The following MXD4 variants were observed in gnomAD, a reference collection of about 807,000 sequenced individuals.
MXD4 encodes the protein Mad4 homolog.
MXD4 carries 16 observed loss-of-function variants against 24.5 expected under a neutral mutation model. The ratio of observed to expected loss-of-function variants is 0.65; its 90% confidence interval spans 0.44 to 0.99. The LOEUF (loss-of-function observed/expected upper bound fraction) is 0.99. Ranked by LOEUF, MXD4 falls within the 50% of genes least tolerant of loss-of-function variation. The pLI, the probability that MXD4 is intolerant of heterozygous loss-of-function variation, is 0.00. For synonymous variants in MXD4, 164 were observed against 134.2 expected (o/e 1.22, Z -1.54); for missense variants, 301 against 301.5 (o/e 1.00, Z 0.01).
At chr4:2,256,766 T>G (rs1273246260) in intron 3 of MXD4, among the ~76,000 whole-genome samples, 1 of 152,094 alleles carries the variant, frequency 6.6e-6, no homozygotes, top group African/African-American at 2.4e-5. Context: ...AGGGGTCCCC[T>G]GTCCTCCCCA....
intron 3 of MXD4, chr4:2,255,199 A>G: frequency 2.5e-6 from 1 of 400,830 alleles, no homozygotes; most frequent in Non-Finnish European, 5.0e-6. Flanking sequence ...ATGGAGAACA[A>G]GGTCCCCTCC....
At chr4:2,255,286 A>G (rs1203807475) in intron 3 of MXD4, 7 of 455,928 alleles carry the variant, frequency 1.5e-5, no homozygotes, top group Non-Finnish European at 3.1e-5. Flanking sequence ...AGTGCCTGGG[A>G]TGCGGTCTCT....
intron 2 of MXD4, chr4:2,260,459 T>C: frequency 2.3e-6 from 1 of 436,148 alleles, no homozygotes; most frequent in East Asian, 7.1e-5. Context: ...GGTTGTCAGC[T>C]TTGGATTCTC....
intron 3 of MXD4, chr4:2,252,895 G>A (rs1055245959): frequency 7.5e-5 from 17 of 225,292 alleles, no homozygotes; most frequent in Admixed American, 1.5e-4. Context: ...AGGCTGCACC[G>A]AGATCTGGAA....
chr4:2,250,331 T>TCCTTGCAGGGGACTCTGCCC lies in MXD4; in HGVS notation c.*193_*212dup, dbSNP rs1175148503. 4 of 640,716 alleles carry TCCTTGCAGGGGACTCTGCCC rather than the reference T, an allele frequency of 6.2e-6. No individual in the cohort carries two copies. The highest frequency in any genetic ancestry group is 1.8e-5 in the African/African-American group (1 of 54,350). 39.7% of individuals were successfully genotyped at this position (640,716 alleles called of 1,614,324 possible). A position where few individuals can be genotyped will look rare whatever the true frequency, so the allele number is the denominator to read the frequency against. On this transcript the variant is annotated 3_prime_UTR_variant, in exon 6 of 6. Coordinates refer to ENST00000337190, the MANE Select transcript of MXD4 (RefSeq NM_006454.3). Reference sequence around the variant, plus strand: ...CCGGATGTGGAAGCTGGGCCCTGCCTCCTTGCAGGGGACTCTGCCCAGCTG... The same window carrying TCCTTGCAGGGGACTCTGCCC: ...CCGGATGTGGAAGCTGGGCCCTGCCTCCTTGCAGGGGACTCTGCCCCCTTGCAGGGGACTCTGCCCAGCTG...
chr4:2,250,308 G>A lies in MXD4; in HGVS notation c.*236C>T, dbSNP rs548354801. On this transcript the variant is annotated 3_prime_UTR_variant, in exon 6 of 6. Coordinates refer to ENST00000337190, the MANE Select transcript of MXD4 (RefSeq NM_006454.3). The stretch of plus-strand genomic sequence containing the variant: ...GGGCGGCTATGCTGACCAGGGCTCC[G>A]GATGTGGAAGCTGGGCCCTGCCTCC... The A allele has an allele frequency of 1.7e-3, 969 of 586,412 alleles. 12 individuals are homozygous for A. The South Asian group carries it at 0.019, about 11-fold the overall frequency. The allele number at this position is 586,412 out of a possible 1,614,324, so 36.3% of individuals were successfully genotyped here.
At position 2,251,172 on chromosome 4, in the gene MXD4, C is replaced by T; in HGVS notation, c.384G>A (p.Arg128=). ...QLQQEHRFLK[R]RLEQLSVQSV... ...TCTGCACCGACAGCTGCTCCAGGCG[C>T]CGCTTCAGGAAACGATGCTCCTGCT... Residue 128 remains arginine (R), a synonymous_variant, in exon 5 of 6, where the codon CGG becomes CGA. Coordinates refer to ENST00000337190, the MANE Select transcript of MXD4 (RefSeq NM_006454.3). 6.2e-7 allele frequency: 1 copy of T among 1,602,772 alleles called. No homozygotes were observed. The highest frequency in any genetic ancestry group is 8.5e-7 in the Non-Finnish European group (1 of 1,174,570).
chr4:2,250,187 G>T lies in MXD4; in HGVS notation c.*357C>A. On this transcript the variant is annotated 3_prime_UTR_variant, in exon 6 of 6. Transcript: ENST00000337190. ...TCCAGGGTTGGGGTCTGAGCTCCCT[G>T]TGGTGGTCATTAAGCCCCTCACACG... 3.6e-6 allele frequency: 1 copy of T among 275,806 alleles called. No individual in the cohort carries two copies. Among genetic ancestry groups the T allele is most frequent in the Non-Finnish European group, 7.0e-6 (1 of 143,686 alleles). The allele number at this position is 275,806 out of a possible 1,614,324, so 17.1% of individuals were successfully genotyped here. A position where few individuals can be genotyped will look rare whatever the true frequency, so the allele number is the denominator to read the frequency against.
At chr4:2,250,789 G>A (rs912472285) in intron 5 of MXD4, 88 bp from the exon 6 acceptor site, 6 of 1,500,118 alleles carry the variant, frequency 4.0e-6, no homozygotes, top group African/African-American at 2.8e-5. Flanking sequence ...GCTCTAGGCA[G>A]AGGGGCAGAA....
In MXD4 at chr4:2,261,927, G is replaced by A; in HGVS notation, c.54C>T (p.Arg18=). 6.8e-7 allele frequency: 1 copy of A among 1,464,150 alleles called. No individual in the cohort carries two copies. Among genetic ancestry groups the A allele is most frequent in the East Asian group, 3.0e-5 (1 of 33,830 alleles). The allele number at this position is 1,464,150 out of a possible 1,614,324, so 90.7% of individuals were successfully genotyped here. ...GGGTGCGAGCGCTACCTCGATCCCT[G>A]CGCTCCAGGTACTCGGCCGCCTCCA... ...ILLEAAEYLE[R]RDREAEHGYA... Residue 18 remains arginine (R), a synonymous_variant, in exon 1 of 6, where the codon CGC becomes CGT. Transcript: ENST00000337190.
chr4:2,252,751 C>T (rs889065233), intron 3 of MXD4: 8 of 504,186 alleles, frequency 1.6e-5, no homozygotes, highest in African/African-American at 7.9e-5. Context: ...CTCACCATGG[C>T]CTGCAAAGCC....
chr4:2,250,490 G>A lies in MXD4; in HGVS notation c.*54C>T, dbSNP rs1350918710. ...TGGCGTCAACTGAAGGAGAACTGGA[G>A]GGCTGACACGCGTGGCTGGCGGGCA... On this transcript the variant is annotated 3_prime_UTR_variant, in exon 6 of 6. Coordinates refer to ENST00000337190, the MANE Select transcript of MXD4 (RefSeq NM_006454.3). 2 of 1,493,130 alleles carry A rather than the reference G, an allele frequency of 1.3e-6. No individual in the cohort carries two copies. The highest frequency in any genetic ancestry group is 2.6e-5 in the South Asian group (2 of 76,304). 92.5% of individuals were successfully genotyped at this position (1,493,130 alleles called of 1,614,324 possible). A position where few individuals can be genotyped will look rare whatever the true frequency, so the allele number is the denominator to read the frequency against.
intron 3 of MXD4, chr4:2,253,123 T>C (rs1253133087): frequency 1.3e-5 from 2 of 154,156 alleles, no homozygotes; most frequent in Non-Finnish European, 2.9e-5. Context: ...AGCCATGACA[T>C]CCAGTGGTGC....
At chr4:2,255,496 G>A (rs1260384264) in intron 3 of MXD4, 1 of 431,406 alleles carries the variant, frequency 2.3e-6, no homozygotes, top group Non-Finnish European at 4.6e-6. Flanking sequence ...GTGGCCTGGA[G>A]CCAACTCTAC....
intron 2 of MXD4, chr4:2,258,870 C>T: frequency 2.2e-6 from 1 of 455,534 alleles, no homozygotes; most frequent in South Asian, 1.6e-5. Context: ...GACAGTGGCC[C>T]CACCTGCTGC....
chr4:2,250,783 T>G, intron 5 of MXD4, 82 bp from the exon 6 acceptor site: 2 of 1,512,162 alleles, frequency 1.3e-6, no homozygotes, highest in Non-Finnish European at 1.8e-6. Context: ...GCAGAAGCTC[T>G]AGGCAGAGGG....
intron 4 of MXD4, among the ~76,000 whole-genome samples, chr4:2,252,111 C>T (rs1031976277): frequency 2.0e-5 from 3 of 152,146 alleles, no homozygotes; most frequent in South Asian, 4.1e-4. Context: ...ATCTGTCCCC[C>T]GACCTCCTCC....
intron 1 of MXD4, 29 bp from the exon 2 acceptor site, chr4:2,261,853 CCCGCCCGGCACGGCCCCG>C: frequency 1.5e-6 from 2 of 1,368,992 alleles, no homozygotes; most frequent in Non-Finnish European, 9.4e-7. Flanking sequence ...GTCAGCGGCC[CCCGCCCGGCACGGCCCCG>C]CCGCCCGCCC....
rs1395323149 is a variant in MXD4, at chr4:2,250,555, C to T, written c.619G>A (p.Ala207Thr). 1.3e-6 allele frequency: 2 copies of T among 1,589,204 alleles called. No homozygotes were observed. Among genetic ancestry groups the T allele is most frequent in the Non-Finnish European group, 8.6e-7 (1 of 1,168,496 alleles). The part of the protein sequence containing the change: ...GPHCRRLGRP[A>T]LS ...CAGAGGGCACGGGCCTACGAGAGGG[C>T]GGGGCGGCCCAGCCGCCGGCAGTGG... Residue 207 changes from alanine to threonine, a missense_variant, in exon 6 of 6, where the codon GCC becomes ACC. Ala to Thr is a moderately conservative substitution (Grantham distance 58). Coordinates refer to ENST00000337190, the MANE Select transcript of MXD4 (RefSeq NM_006454.3).
Sources: allele counts gnomAD v4.1 joint callset (sites outside exome capture counted in the v4.1 genomes callset), GRCh38; gene constraint gnomAD v4.1.1; transcripts MANE v1.5; gene names NCBI Gene and HGNC (gene_info 2026-07-23, HGNC 2026-07-21).